TACC3: variants seen among roughly 807,000 people sequenced by gnomAD.
The protein encoded by TACC3 is transforming acidic coiled-coil-containing protein 3.
In TACC3, 52 loss-of-function variants were observed where a neutral mutation model predicts 86.0. The observed-to-expected ratio is 0.60, with a 90% confidence interval of 0.48 to 0.76. The LOEUF (loss-of-function observed/expected upper bound fraction) is 0.76. TACC3 is among the 30% of genes least tolerant of loss of function. The probability of loss-of-function intolerance (pLI) is 0.00; values close to 1 mark genes in which losing one functional copy is unlikely to be tolerated. For synonymous variants in TACC3, 512 were observed against 430.0 expected (o/e 1.19, Z -2.36); for missense variants, 1,120 against 1,070.4 (o/e 1.05, Z -0.65).
intron 5 of TACC3, 23 bp from the exon 6 acceptor site, chr4:1,731,149 G>GGT (rs1315490392): frequency 6.2e-7 from 1 of 1,612,892 alleles, no homozygotes; most frequent in Non-Finnish European, 8.5e-7. Flanking sequence ...CACTGCACAG[G>GGT]GTGACTCTGC....
intron 14 of TACC3, 33 bp from the exon 15 acceptor site, chr4:1,744,679 A>T: frequency 1.2e-6 from 2 of 1,612,204 alleles, no homozygotes; most frequent in Non-Finnish European, 1.7e-6. Flanking sequence ...CCTGGGCCCC[A>T]GCTCAGCCTC....
chr4:1,736,151 C>T (rs935171271), intron 8 of TACC3, among the ~76,000 whole-genome samples: 2 of 152,206 alleles, frequency 1.3e-5, no homozygotes, highest in African/African-American at 2.4e-5. Flanking sequence ...AGGCCAGGCG[C>T]GGTGGCTTAC....
At chr4:1,743,617 C>T (rs761145629) in intron 13 of TACC3, among the ~76,000 whole-genome samples, 1 of 151,920 alleles carries the variant, frequency 6.6e-6, no homozygotes, top group Non-Finnish European at 1.5e-5. Context: ...CAGTTAACAA[C>T]ATTAACAATT....
At chr4:1,722,781 C>G (rs770098568) in intron 1 of TACC3, among the ~76,000 whole-genome samples, 5 of 152,212 alleles carry the variant, frequency 3.3e-5, no homozygotes, top group Non-Finnish European at 5.9e-5. Flanking sequence ...CTGGGCAGCC[C>G]TGGAACCTGG....
Position 1,735,859 on chromosome 4 carries a change from G to A in TACC3, c.1748+25G>A, listed in dbSNP as rs542567960. 31 of 1,478,502 alleles carry A rather than the reference G, an allele frequency of 2.1e-5. No homozygotes were observed. In the South Asian group the frequency reaches 3.1e-4, roughly 15 times the overall value. The allele number at this position is 1,478,502 out of a possible 1,614,324, so 91.6% of individuals were successfully genotyped here. On this transcript the variant is annotated intron_variant, in intron 8 of 15. Transcript: ENST00000313288. This position sits in a 1 kb window ranked among gnomAD's most constrained non-coding sequence, Gnocchi z 4.2. ...GGTATGTGCGCCGGCCCTCCCTCAT[G>A]CATGAAGCCTTGAGTGTGGGAAGAC...
In TACC3 at chr4:1,737,441, G is replaced by T. The variant is rs377050787; in HGVS notation, c.1836+113G>T. 54 of 1,175,752 alleles carry T rather than the reference G, an allele frequency of 4.6e-5. No homozygotes were observed. The Middle Eastern group carries it at 1.9e-3, about 41-fold the overall frequency. 72.8% of individuals were successfully genotyped at this position (1,175,752 alleles called of 1,614,324 possible). ...GTCTGAGCCTTTGGTTTTGTTGGGG[G>T]CATGGGGCCGCTGTGCTGTTCCCTC... On this transcript the variant is annotated intron_variant, in intron 9 of 15. Coordinates refer to ENST00000313288, the MANE Select transcript of TACC3 (RefSeq NM_006342.3).
rs567612173 is a variant in TACC3, at chr4:1,744,121, A to G, written c.2224-397A>G. On this transcript the variant is annotated intron_variant, in intron 13 of 15. Transcript: ENST00000313288. ...GAGGAGCAGGCGTGTCTGGGTAACC[A>G]TGTGGCTCCTGCTGGCCTCCCCTGC... 7.2e-5 allele frequency among the ~76,000 whole-genome samples: 11 copies of G among 152,244 alleles called. No homozygotes were observed. The East Asian group carries it at 2.1e-3, about 29-fold the overall frequency.
rs542711301 is a variant in TACC3, at chr4:1,735,188, C to T, written c.1592-85C>T. 6 of 1,547,678 alleles carry T rather than the reference C, an allele frequency of 3.9e-6. No homozygotes were observed. Among genetic ancestry groups the T allele is most frequent in the African/African-American group, 2.7e-5 (2 of 73,564 alleles). ...ACTGCTGGCTGGAATGATCCTGCCT[C>T]ACTGAGTGCTGAGGGAGACACCAGC... On this transcript the variant is annotated intron_variant, in intron 6 of 15. Coordinates refer to ENST00000313288, the MANE Select transcript of TACC3 (RefSeq NM_006342.3). The surrounding 1 kb of genome is among the most constrained non-coding windows in gnomAD (Gnocchi z 4.2).
rs946620070 is a variant in TACC3, at chr4:1,735,492, C to CT, written c.1644+168dup. On this transcript the variant is annotated intron_variant, in intron 7 of 15. Transcript: ENST00000313288. The surrounding 1 kb of genome is among the most constrained non-coding windows in gnomAD (Gnocchi z 4.2). ...CAGGGCCCCTTCTGCAGCACCTCCT[C>CT]TAAGTGGTGTCCTGTGGCAGGGCTC... 1.3e-5 allele frequency among the ~76,000 whole-genome samples: 2 copies of CT among 152,184 alleles called. No individual in the cohort carries two copies. Among genetic ancestry groups the CT allele is most frequent in the African/African-American group, 4.8e-5 (2 of 41,442 alleles).
intron 10 of TACC3, 86 bp downstream of exon 10, chr4:1,737,788 ACCC>A (rs757537429): frequency 8.3e-7 from 1 of 1,210,622 alleles, no homozygotes; most frequent in South Asian, 1.3e-5. Flanking sequence ...CAACAGCCTG[ACCC>A]GCCATCCCTG....
In TACC3 at chr4:1,723,876, T is replaced by C. The variant is rs751472230; in HGVS notation, c.305+6T>C. On this transcript the variant is annotated splice_donor_region_variant and intron_variant, in intron 3 of 15. Transcript: ENST00000313288. ...GTCTGGACACAGAAAGAGAAGTAAGTGTTGGTGCTGCTGGACATGCTGGAG... is the reference window on the plus strand; with the variant it reads ...GTCTGGACACAGAAAGAGAAGTAAGCGTTGGTGCTGCTGGACATGCTGGAG... 6 of 1,612,902 alleles carry C rather than the reference T, an allele frequency of 3.7e-6. No individual in the cohort carries two copies. Among genetic ancestry groups the C allele is most frequent in the Non-Finnish European group, 3.4e-6 (4 of 1,179,802 alleles).
chr4:1,733,240 C>T (rs974566339), intron 6 of TACC3, among the ~76,000 whole-genome samples: 1 of 152,116 alleles, frequency 6.6e-6, no homozygotes, highest in African/African-American at 2.4e-5. Flanking sequence ...TGTCGAGATC[C>T]CTTGTCCATT....
Position 1,735,829 on chromosome 4 carries a change from C to G in TACC3, c.1743C>G (p.Thr581=). Residue 581 remains threonine (T), a synonymous_variant, in exon 8 of 16, where the codon ACC becomes ACG. Transcript: ENST00000313288. The surrounding 1 kb of genome is among the most constrained non-coding windows in gnomAD (Gnocchi z 4.2). ...GACCAGTGCCCGTGGCCACCGAGACCAGCAGGTATGTGCGCCGGCCCTCCC... is the reference window on the plus strand; with the variant it reads ...GACCAGTGCCCGTGGCCACCGAGACGAGCAGGTATGTGCGCCGGCCCTCCC... The part of the protein sequence containing the change: ...PGRPVPVATE[T]SSMHGANETP... The G allele has an allele frequency of 1.3e-6, 2 of 1,592,188 alleles. No homozygotes were observed. Among genetic ancestry groups the G allele is most frequent in the South Asian group, 1.1e-5 (1 of 90,450 alleles).
In TACC3 at chr4:1,740,906, C is replaced by A. The variant is rs756367754; in HGVS notation, c.2143C>A (p.Leu715Met). The A allele has an allele frequency of 7.4e-6, 12 of 1,613,342 alleles. No homozygotes were observed. Among genetic ancestry groups the A allele is most frequent in the Non-Finnish European group, 1.0e-5 (12 of 1,179,834 alleles). The change falls in exon 13 of 16, where the codon CTG (leucine) becomes ATG (methionine). Residue 715 changes from leucine to methionine, a missense_variant. Leu to Met is a conservative substitution (Grantham distance 15, BLOSUM62 2). Transcript: ENST00000313288. Reference protein sequence around the residue: ...LKEKDQLTTDLNSMEKSFSDL... With the variant: ...LKEKDQLTTDMNSMEKSFSDL... ...AGAAAAAGACCAACTTACCACAGAT[C>A]TGAACTCCATGGAGAAGTCCTTCTC...
chr4:1,739,889 C>T, intron 11 of TACC3, 70 bp from the exon 12 acceptor site: 3 of 1,605,102 alleles, frequency 1.9e-6, no homozygotes, highest in South Asian at 1.1e-5. Context: ...TGTCCCCGTC[C>T]CCATCCCCAC....
chr4:1,724,008 G>A, intron 3 of TACC3, 138 bp downstream of exon 3: 3 of 966,314 alleles, frequency 3.1e-6, no homozygotes, highest in Non-Finnish European at 3.1e-6. Flanking sequence ...TCGCTCTGTT[G>A]CCCACGCTGG....
chr4:1,737,440 G>A, intron 9 of TACC3, 112 bp downstream of exon 9: 1 of 1,199,024 alleles, frequency 8.3e-7, no homozygotes, highest in Non-Finnish European at 1.2e-6. Flanking sequence ...TTTTGTTGGG[G>A]GCATGGGGCC....
In TACC3 at chr4:1,727,887, G is replaced by A. The variant is rs1560297919; in HGVS notation, c.485G>A (p.Gly162Glu). The A allele has an allele frequency of 1.9e-6, 3 of 1,613,916 alleles. No individual in the cohort carries two copies. Among genetic ancestry groups the A allele is most frequent in the East Asian group, 2.2e-5 (1 of 44,880 alleles). The change falls in exon 4 of 16, where the codon GGA becomes GAA. Residue 162 changes from glycine to glutamate, a missense_variant. Physicochemically the swap from Gly to Glu is moderately conservative, Grantham distance 98 (BLOSUM62 -2). Coordinates refer to ENST00000313288, the MANE Select transcript of TACC3 (RefSeq NM_006342.3). The stretch of plus-strand genomic sequence containing the variant: ...TGCTCAAGCTCTTCCCAGAGCCCAG[G>A]AAGTTCTGAGAACCAAATGGTGTCT... ...LDCSSSSQSP[G>E]SSENQMVSPG...
chr4:1,724,795 T>C (rs1440676464), intron 3 of TACC3, among the ~76,000 whole-genome samples: 2 of 152,100 alleles, frequency 1.3e-5, no homozygotes, highest in African/African-American at 2.4e-5. Flanking sequence ...AGAGTTTCGC[T>C]CTGTCACCCA....
Sources: gnomAD v4.1 joint callset for allele counts (sites outside exome capture counted in the v4.1 genomes callset) on GRCh38, gnomAD v4.1.1 for gene constraint, Gnocchi (gnomAD v3.1) non-coding constraint, MANE v1.5 for transcripts, NCBI Gene and HGNC (gene_info 2026-07-23, HGNC 2026-07-21) for gene names.